The following RBP2 variants were observed in gnomAD, a reference collection of about 807,000 sequenced individuals.
RBP2 encodes the protein retinol binding protein 2, also known as retinol-binding protein 2.
Under a neutral mutation model 17.0 loss-of-function variants are expected in RBP2, and 17 were observed. The observed-to-expected ratio is 1.00, with a 90% CI of 0.68 to 1.50. The LOEUF is 1.50. RBP2 is among the 40% of genes most tolerant of loss of function. RBP2 has a pLI of 0.00. For synonymous variants in RBP2, 48 were observed against 57.1 expected (o/e 0.84, Z 0.72); for missense variants, 158 against 168.2 (o/e 0.94, Z 0.33).
At chr3:139,475,970 A>T (rs752650132) in intron 1 of RBP2, among the ~76,000 whole-genome samples, 1 of 152,166 alleles carries the variant, frequency 6.6e-6, no homozygotes, top group Non-Finnish European at 1.5e-5. Context: ...CTGCTTCCCC[A>T]TTACAAAACT....
rs1229274336 is a variant in RBP2 at position 139,462,265 on chromosome 3, A to C, written c.99T>G (p.Ile33Met). The change falls in exon 2 of 4, where the codon ATT (isoleucine) becomes ATG (methionine). Residue 33 changes from isoleucine (I) to methionine (M), a missense_variant. Ile to Met is a conservative substitution (Grantham distance 10, BLOSUM62 1). Transcript: ENST00000232217. ...ALDIDFATRK[I>M]AVRLTQTKVI... Reference sequence around the variant, plus strand: ...CCTTCGTCTGAGTGAGACGTACTGCAATCTTGCGGGTGGCAAAATCAATAT... The same window carrying C: ...CCTTCGTCTGAGTGAGACGTACTGCCATCTTGCGGGTGGCAAAATCAATAT... The C allele has an allele frequency of 1.2e-5, 19 of 1,614,156 alleles. No individual in the cohort carries two copies. Among genetic ancestry groups the C allele is most frequent in the Non-Finnish European group, 1.5e-5 (18 of 1,180,014 alleles).
At chr3:139,459,824 G>C (rs1452334328) in intron 2 of RBP2, among the ~76,000 whole-genome samples, 1 of 139,904 alleles carries the variant, frequency 7.1e-6, no homozygotes, top group Non-Finnish European at 1.5e-5. Flanking sequence ...CCTACTAAGG[G>C]TGTGTGTGAG....
intron 2 of RBP2, among the ~76,000 whole-genome samples, chr3:139,456,967 G>A (rs1329799782): frequency 6.6e-6 from 1 of 152,134 alleles, no homozygotes; most frequent in Non-Finnish European, 1.5e-5. Flanking sequence ...TGGACTCTGA[G>A]TTTTCCTCTA....
intron 2 of RBP2, among the ~76,000 whole-genome samples, chr3:139,456,235 A>G (rs1490606666): frequency 6.6e-6 from 1 of 152,158 alleles, no homozygotes. Context: ...TTGTAAACCC[A>G]GTTGGTGATA....
At chr3:139,475,921 A>G (rs1381896223) in intron 1 of RBP2, among the ~76,000 whole-genome samples, 1 of 152,126 alleles carries the variant, frequency 6.6e-6, no homozygotes, top group African/African-American at 2.4e-5. Flanking sequence ...CATGAGCTTG[A>G]TTTTCCCTAG....
intron 1 of RBP2, among the ~76,000 whole-genome samples, chr3:139,475,324 T>TAAAAAAAAAAAAAAA (rs397941333): frequency 1.4e-5 from 1 of 71,602 alleles, no homozygotes; most frequent in African/African-American, 4.9e-5. Context: ...GTCCCCAAAA[T>TAAAAAAAAAAAAAAA]AAAAAAAAAA....
rs889788071 is a variant in RBP2, at chr3:139,454,817, C to T, written c.266G>A (p.Trp89Ter). The change falls in exon 3 of 4, where the codon TGG (tryptophan) becomes TAG (stop). Residue 89 changes from tryptophan (W) to a stop codon, truncating the protein, a stop_gained. Coordinates refer to ENST00000232217, the MANE Select transcript of RBP2 (RefSeq NM_004164.3). LOFTEE classifies it high-confidence loss of function. ...CACACACACAAGGACATCACCTTCC[C>T]AGGTGACCAGTGCCTGTAAAGACAG... ...DNRHVKALVT[W>*]EGDVLVCVQK... The T allele has an allele frequency of 6.2e-7, 1 of 1,614,078 alleles. No homozygotes were observed. The highest frequency in any genetic ancestry group is 1.3e-5 in the African/African-American group (1 of 75,034).
chr3:139,460,144 A>G (rs918303219), intron 2 of RBP2, among the ~76,000 whole-genome samples: 1 of 152,240 alleles, frequency 6.6e-6, no homozygotes, highest in South Asian at 2.1e-4. Flanking sequence ...GTGAGGGAAA[A>G]TGAATCATTT....
chr3:139,465,657 C>A (rs558065004), intron 1 of RBP2, among the ~76,000 whole-genome samples: 1 of 152,124 alleles, frequency 6.6e-6, no homozygotes, highest in Non-Finnish European at 1.5e-5. Context: ...TGTTAAATTT[C>A]CCCTGGAGAC....
chr3:139,454,577 GGAAT>G (rs1465379755), intron 3 of RBP2, 148 bp downstream of exon 3: 15 of 647,410 alleles, frequency 2.3e-5, no homozygotes, highest in Non-Finnish European at 3.6e-5. Context: ...GAGCCAGATG[GGAAT>G]GGCTTTCTGA....
intron 2 of RBP2, among the ~76,000 whole-genome samples, chr3:139,457,719 A>G (rs1424907945): frequency 2.2e-5 from 3 of 136,650 alleles, no homozygotes; most frequent in African/African-American, 7.6e-5. Context: ...AGGAGGCTCA[A>G]TTGCTTAAAA....
chr3:139,464,467 T>A (rs1459452385), intron 1 of RBP2, among the ~76,000 whole-genome samples: 1 of 151,966 alleles, frequency 6.6e-6, no homozygotes, highest in Non-Finnish European at 1.5e-5. Flanking sequence ...AAAAAAATCC[T>A]TCTTTGGTCA....
intron 2 of RBP2, among the ~76,000 whole-genome samples, chr3:139,456,155 T>A (rs777295912): frequency 9.2e-5 from 14 of 152,184 alleles, no homozygotes; most frequent in Non-Finnish European, 1.8e-4. Flanking sequence ...CTTCCAAGTA[T>A]GTGCAAACTA....
At chr3:139,456,438 A>G (rs1932959854) in intron 2 of RBP2, among the ~76,000 whole-genome samples, 1 of 152,212 alleles carries the variant, frequency 6.6e-6, no homozygotes, top group South Asian at 2.1e-4. Context: ...ATTCTTTGTT[A>G]CAGCAAAGGA....
intron 1 of RBP2, among the ~76,000 whole-genome samples, chr3:139,475,324 T>TAAAAAA (rs397941333): frequency 5.9e-4 from 42 of 71,472 alleles, no homozygotes; most frequent in East Asian, 1.9e-3. Context: ...GTCCCCAAAA[T>TAAAAAA]AAAAAAAAAA....
intron 2 of RBP2, among the ~76,000 whole-genome samples, chr3:139,458,842 TTTTTAA>T (rs1317563997): frequency 6.6e-6 from 1 of 152,226 alleles, no homozygotes; most frequent in African/African-American, 2.4e-5. Flanking sequence ...CAATTGCTTA[TTTTTAA>T]TTTTATTTTA....
chr3:139,455,324 G>C (rs976001669), intron 2 of RBP2, among the ~76,000 whole-genome samples: 1 of 152,154 alleles, frequency 6.6e-6, no homozygotes, highest in Non-Finnish European at 1.5e-5. Flanking sequence ...CAGCTTACAA[G>C]GGGGAGAGAG....
chr3:139,475,476 A>C (rs900023958), intron 1 of RBP2, among the ~76,000 whole-genome samples: 2 of 152,172 alleles, frequency 1.3e-5, no homozygotes, highest in African/African-American at 4.8e-5. Context: ...CCACTCTTGG[A>C]GAGACCTCCC....
intron 2 of RBP2, among the ~76,000 whole-genome samples, chr3:139,460,159 C>G (rs78251555): frequency 0.067 from 10,148 of 152,254 alleles, 448 homozygotes; most frequent in Middle Eastern, 0.14. Flanking sequence ...TCATTTTGCA[C>G]TGATTGGGTT....
Sources: allele counts gnomAD v4.1 joint callset (sites outside exome capture counted in the v4.1 genomes callset), GRCh38; gene constraint gnomAD v4.1.1; transcripts MANE v1.5; gene names NCBI Gene and HGNC (gene_info 2026-07-23, HGNC 2026-07-21).